SLC28A3: variants seen among roughly 807,000 people sequenced by gnomAD.
SLC28A3 encodes the protein concentrative Na(+)-nucleoside cotransporter 3.
SLC28A3 carries 68 observed loss-of-function variants against 84.2 expected under a neutral mutation model. That is an observed-to-expected ratio of 0.81 (90% confidence interval 0.66 to 0.99). SLC28A3 has a LOEUF of 0.99. Among genes scored for constraint, SLC28A3 ranks in the 50% least tolerant of loss-of-function variants. The pLI is 0.00. For missense variants in SLC28A3, 712 were observed against 841.5 expected (o/e 0.85, Z 1.90); for synonymous variants, 267 against 303.6 (o/e 0.88, Z 1.25).
At chr9:84,327,361 G>GAA (rs11404370) in intron 1 of SLC28A3, among the ~76,000 whole-genome samples, 1,333 of 127,638 alleles carry the variant, frequency 0.01, 27 homozygotes, top group African/African-American at 0.036. Flanking sequence ...TCAGAACACC[G>GAA]AAAAAAAAAA....
intron 1 of SLC28A3, among the ~76,000 whole-genome samples, chr9:84,319,445 A>G (rs1257670219): frequency 6.6e-6 from 1 of 152,188 alleles, no homozygotes; most frequent in Non-Finnish European, 1.5e-5. Flanking sequence ...CAGACGGGTC[A>G]CTTGGACTCA....
chr9:84,329,809 G>A (rs1486783238), intron 1 of SLC28A3, among the ~76,000 whole-genome samples: 1 of 152,086 alleles, frequency 6.6e-6, no homozygotes, highest in Non-Finnish European at 1.5e-5. Context: ...TGGGGTGGGT[G>A]GATTGCTTGT....
rs911721543 is a variant in SLC28A3 at position 84,277,427 on chromosome 9, G to A, written c.*791C>T. ...CGGAAGATGAAAGAGCCATCATGTG[G>A]TTCCCACCTTTCTTTTCCCTCTTAA... On this transcript the variant is annotated 3_prime_UTR_variant, in exon 18 of 18. Coordinates refer to ENST00000376238, the MANE Select transcript of SLC28A3 (RefSeq NM_001199633.2). 3 of 152,226 alleles carry A rather than the reference G, an allele frequency of 2.0e-5. No individual in the cohort carries two copies. The highest frequency in any genetic ancestry group is 7.2e-5 in the African/African-American group (3 of 41,454). 9.4% of individuals were successfully genotyped at this position (152,226 alleles called of 1,614,324 possible). A position where few individuals can be genotyped will look rare whatever the true frequency, so the allele number is the denominator to read the frequency against.
At chr9:84,287,603 C>T (rs982413815) in intron 12 of SLC28A3, among the ~76,000 whole-genome samples, 2 of 151,898 alleles carry the variant, frequency 1.3e-5, no homozygotes, top group Non-Finnish European at 2.9e-5. Context: ...AAGATTTTGG[C>T]CAGGTCCCAG....
intron 5 of SLC28A3, 113 bp downstream of exon 5, chr9:84,302,076 CCTAGGGTGTTT>C: frequency 1.2e-6 from 1 of 833,514 alleles, no homozygotes; most frequent in Non-Finnish European, 1.9e-6. Context: ...CAGATTACTT[CCTAGGGTGTTT>C]CTAGCTTCCA....
intron 1 of SLC28A3, among the ~76,000 whole-genome samples, chr9:84,328,156 T>TACACACAC (rs71498096): frequency 0.13 from 17,380 of 131,692 alleles, 1,336 homozygotes; most frequent in African/African-American, 0.19. Context: ...GGGAAAAGAC[T>TACACACAC]ACACACACAC....
chr9:84,324,564 A>G (rs922173093), intron 1 of SLC28A3, among the ~76,000 whole-genome samples: 2 of 151,834 alleles, frequency 1.3e-5, no homozygotes, highest in Admixed American at 6.6e-5. Flanking sequence ...GGATTGCTTG[A>G]GCTTCAGAGG....
At chr9:84,313,262 C>T (rs1826051039) in intron 2 of SLC28A3, 97 bp downstream of exon 2, 3 of 996,204 alleles carry the variant, frequency 3.0e-6, no homozygotes, top group African/African-American at 3.2e-5. Flanking sequence ...CTCTGCGTGC[C>T]AGTGGGGCGC....
chr9:84,300,855 G>A (rs939768702), intron 5 of SLC28A3, among the ~76,000 whole-genome samples: 6 of 152,112 alleles, frequency 3.9e-5, no homozygotes, highest in Non-Finnish European at 7.4e-5. Context: ...AGGCTGGCAG[G>A]GGAGCAAGTA....
intron 14 of SLC28A3, among the ~76,000 whole-genome samples, chr9:84,281,115 T>C (rs1252642213): frequency 6.6e-6 from 1 of 152,156 alleles, no homozygotes; most frequent in Non-Finnish European, 1.5e-5. Flanking sequence ...GGCTTATGAT[T>C]GGTAGCCTTG....
chr9:84,286,150 T>G, intron 12 of SLC28A3, 39 bp from the exon 13 acceptor site: 1 of 1,597,520 alleles, frequency 6.3e-7, no homozygotes, highest in Non-Finnish European at 8.6e-7. Flanking sequence ...TACCAAGGAG[T>G]TGTCAGGGGA....
In SLC28A3 at chr9:84,292,816, T is replaced by G. The variant is rs888634929; in HGVS notation, c.943-68A>C. 15 of 1,062,414 alleles carry G rather than the reference T, an allele frequency of 1.4e-5. 1 individual carries two copies. In the African/African-American group the frequency reaches 2.2e-4, roughly 15 times the overall value. 65.8% of individuals were successfully genotyped at this position (1,062,414 alleles called of 1,614,324 possible). The stretch of plus-strand genomic sequence containing the variant: ...ATACCCAAAACTTCAAAGTAGGGAT[T>G]AAAATCCTTAAACTGGTGTAAAATA... On this transcript the variant is annotated intron_variant, in intron 9 of 17. Transcript: ENST00000376238.
chr9:84,279,535 G>T, intron 16 of SLC28A3, 150 bp from the exon 17 acceptor site: 2 of 511,732 alleles, frequency 3.9e-6, no homozygotes, highest in Non-Finnish European at 5.7e-6. Flanking sequence ...TCTGCCTCCC[G>T]GGTTCAAGCG....
In SLC28A3 at chr9:84,285,488, G is replaced by A. The variant is rs1258290549; in HGVS notation, c.1504C>T (p.Gln502Ter). ...AGTCTGGCAACCATAAAGCTGTCCTGCCATTCCACTCCCATCATGAAGGAA... is the reference window on the plus strand; with the variant it reads ...AGTCTGGCAACCATAAAGCTGTCCTACCATTCCACTCCCATCATGAAGGAA... ...PFSFMMGVEW[Q>*]DSFMVARLIG... Residue 502 changes from glutamine (Q) to a stop codon, truncating the protein, a stop_gained, in exon 14 of 18, where the codon CAG becomes TAG. Coordinates refer to ENST00000376238, the MANE Select transcript of SLC28A3 (RefSeq NM_001199633.2). LOFTEE classifies it high-confidence loss of function. 2 of 1,614,032 alleles carry A rather than the reference G, an allele frequency of 1.2e-6. No individual in the cohort carries two copies. The highest frequency in any genetic ancestry group is 1.3e-5 in the African/African-American group (1 of 74,912).
chr9:84,362,263 T>C, the SLC28A3 span, among the ~76,000 whole-genome samples: 2 of 152,126 alleles, frequency 1.3e-5, no homozygotes, highest in Non-Finnish European at 2.9e-5. Context: ...TCTGTTAATA[T>C]TGAGATGCTA....
the SLC28A3 span, among the ~76,000 whole-genome samples, chr9:84,352,956 A>G: frequency 1.3e-5 from 2 of 151,332 alleles, no homozygotes; most frequent in African/African-American, 4.9e-5. Context: ...TTTAGTATGA[A>G]GATTAAGATT....
chr9:84,320,051 T>TTG (rs1443323740), intron 1 of SLC28A3, among the ~76,000 whole-genome samples: 2,681 of 130,596 alleles, frequency 0.021, 231 homozygotes, highest in African/African-American at 0.08. Context: ...TTTTTTTTTT[T>TTG]TTTTTTTTTT....
chr9:84,335,712 CGTGTGTGTGTGTGT>C (rs56259271), intron 1 of SLC28A3, among the ~76,000 whole-genome samples: 4 of 148,932 alleles, frequency 2.7e-5, no homozygotes, highest in South Asian at 2.2e-4. Flanking sequence ...TATGTATATA[CGTGTGTGTGTGTGT>C]GTGTGTGTGT....
At chr9:84,299,353 G>T (rs11791990) in intron 6 of SLC28A3, among the ~76,000 whole-genome samples, 1 of 151,954 alleles carries the variant, frequency 6.6e-6, no homozygotes, top group South Asian at 2.1e-4. Context: ...GGGAGAGAAC[G>T]TCTCACTGGT....
Sources: gnomAD v4.1 joint callset for allele counts (sites outside exome capture counted in the v4.1 genomes callset) on GRCh38, gnomAD v4.1.1 for gene constraint, MANE v1.5 for transcripts, NCBI Gene and HGNC (gene_info 2026-07-23, HGNC 2026-07-21) for gene names.